Variants in FAM20C observed in about 807,000 individuals in gnomAD.
FAM20C encodes the protein FAM20C golgi associated secretory pathway kinase.
Under a neutral mutation model 51.5 loss-of-function variants are expected in FAM20C, and 40 were observed. The ratio of observed to expected loss-of-function variants is 0.78; its 90% CI spans 0.60 to 1.01. The LOEUF (loss-of-function observed/expected upper bound fraction) is 1.01. FAM20C is among the 50% of genes least tolerant of loss of function. The pLI, the probability that FAM20C is intolerant of heterozygous loss-of-function variation, is 0.00. For synonymous variants in FAM20C, 406 were observed against 380.6 expected, an observed-to-expected ratio of 1.07 and a Z score of -0.78; for missense variants, 861 against 844.7, an observed-to-expected ratio of 1.02 and a Z score of -0.24.
At chr7:247,402 C>G (rs796403507) in intron 4 of FAM20C, among the ~76,000 whole-genome samples, 2 of 152,156 alleles carry the variant, frequency 1.3e-5, no homozygotes, top group Non-Finnish European at 2.9e-5. Flanking sequence ...CTGCCCTGCA[C>G]GGCCCTGACA....
chr7:253,011 C>T (rs1032806707), intron 5 of FAM20C, among the ~76,000 whole-genome samples: 3 of 152,278 alleles, frequency 2.0e-5, no homozygotes, highest in Non-Finnish European at 4.4e-5. Flanking sequence ...CCACTCAGCC[C>T]GACACAGCCT....
chr7:234,173 G>A (rs945709299), intron 3 of FAM20C, among the ~76,000 whole-genome samples: 2 of 152,252 alleles, frequency 1.3e-5, no homozygotes, highest in South Asian at 4.1e-4. Context: ...GAGAGCACGA[G>A]AGCCTTCCCG....
intron 3 of FAM20C, chr7:228,467 T>A (rs1472200096): frequency 1.1e-5 from 5 of 455,982 alleles, no homozygotes; most frequent in Non-Finnish European, 2.2e-5. Flanking sequence ...CGGCTCAGTG[T>A]GGGGTCAACA....
chr7:256,364 C>T (rs1788590158), intron 6 of FAM20C: 2 of 571,300 alleles, frequency 3.5e-6, no homozygotes, highest in Admixed American at 6.3e-5. Context: ...CCCACGTTGT[C>T]CTCGTGAGTG....
chr7:232,077 C>T (rs1787712555), intron 3 of FAM20C, among the ~76,000 whole-genome samples: 1 of 152,248 alleles, frequency 6.6e-6, no homozygotes, highest in Admixed American at 6.5e-5. Context: ...AGGCATCTGC[C>T]TCCCTCATCA....
intron 3 of FAM20C, among the ~76,000 whole-genome samples, chr7:240,773 G>A (rs1163399949): frequency 1.3e-5 from 2 of 152,198 alleles, no homozygotes; most frequent in African/African-American, 4.8e-5. Context: ...GCCACCGATT[G>A]TGGCCCGGGC....
Position 258,090 on chromosome 7 carries a change from T to A in FAM20C, c.1446-556T>A, listed in dbSNP as rs373927539. Among the ~76,000 whole-genome samples, 78 of 104,350 alleles carry A rather than the reference T, an allele frequency of 7.5e-4. 1 individual carries two copies. Among genetic ancestry groups the A allele is most frequent in the South Asian group, 3.8e-3 (10 of 2,626 alleles). 68.5% of individuals were successfully genotyped at this position (104,350 alleles called of 152,430 possible). A position where few individuals can be genotyped will look rare whatever the true frequency, so the allele number is the denominator to read the frequency against. On this transcript the variant is annotated intron_variant, in intron 8 of 9. Transcript: ENST00000313766. ...CTGCCTGGGGTGCTGGAGATGGGGC[T>A]GGGTGGACCCACTGCCCGGGGTGTT... is the stretch of plus-strand genomic sequence containing the variant.
At chr7:223,715 G>A (rs1787341173) in intron 3 of FAM20C, among the ~76,000 whole-genome samples, 1 of 152,238 alleles carries the variant, frequency 6.6e-6, no homozygotes, top group Non-Finnish European at 1.5e-5. Flanking sequence ...TGCCGCAGGT[G>A]GTCCCGGCAT....
In FAM20C at chr7:193,742, C is replaced by T. The variant is rs772838347; in HGVS notation, c.543C>T (p.Asp181=). The change falls in exon 1 of 10, where the codon GAC becomes GAT. Residue 181 remains aspartate, a synonymous_variant. Coordinates refer to ENST00000313766, the MANE Select transcript of FAM20C (RefSeq NM_020223.4). The part of the protein sequence containing the change: ...RVAVPPLTEE[D]VLFNVNSDTR... ...CGGTTCCGCCGCTCACGGAGGAGGA[C>T]GTCCTGTTCAATGTGAACAGCGACA... 3 of 1,548,154 alleles carry T rather than the reference C, an allele frequency of 1.9e-6. No homozygotes were observed. In the South Asian group the frequency reaches 3.6e-5, roughly 18 times the overall value.
At chr7:218,146 C>T (rs1367696425) in intron 3 of FAM20C, among the ~76,000 whole-genome samples, 1 of 152,210 alleles carries the variant, frequency 6.6e-6, no homozygotes, top group African/African-American at 2.4e-5. Context: ...GTCACACGAG[C>T]TGCCAGGCAG....
Position 255,991 on chromosome 7 carries a change from C to A in FAM20C, c.1215C>A (p.Asn405Lys). ...LSLAKRKTWR[N>K]PWRRSYHKRK... Reference sequence around the variant, plus strand: ...TGGCCAAGAGGAAGACCTGGCGGAACCCTTGGCGGCGTTCCTACCACAAGC... The same window carrying A: ...TGGCCAAGAGGAAGACCTGGCGGAAACCTTGGCGGCGTTCCTACCACAAGC... The change falls in exon 6 of 10, where the codon AAC (asparagine) becomes AAA (lysine). Residue 405 changes from asparagine (N) to lysine (K), a missense_variant. By Grantham distance (94) the Asn-to-Lys change is moderately conservative. Coordinates refer to ENST00000313766, the MANE Select transcript of FAM20C (RefSeq NM_020223.4). 6.5e-7 allele frequency: 1 copy of A among 1,536,068 alleles called. No individual in the cohort carries two copies. Among genetic ancestry groups the A allele is most frequent in the Non-Finnish European group, 8.7e-7 (1 of 1,146,788 alleles).
Position 260,162 on chromosome 7 carries a change from AC to A in FAM20C, c.*184del. ...ATAGGACACATTTTGTCAGTGTTTGACCAGAAAAGCTTGGGAAGGAAGCGCT... is the reference window on the plus strand; with the variant it reads ...ATAGGACACATTTTGTCAGTGTTTGACAGAAAAGCTTGGGAAGGAAGCGCT... On this transcript the variant is annotated 3_prime_UTR_variant, in exon 10 of 10. Transcript: ENST00000313766. 2.3e-6 allele frequency: 2 copies of A among 872,226 alleles called. No individual in the cohort carries two copies. The highest frequency in any genetic ancestry group is 3.2e-6 in the Non-Finnish European group (2 of 622,298). 54.0% of individuals were successfully genotyped at this position (872,226 alleles called of 1,614,324 possible).
At chr7:245,660 G>A (rs760438685) in intron 3 of FAM20C, among the ~76,000 whole-genome samples, 3 of 152,260 alleles carry the variant, frequency 2.0e-5, no homozygotes, top group East Asian at 1.9e-4. Flanking sequence ...ATTCCTCCAC[G>A]TTTCCACCAT....
At position 257,821 on chromosome 7, in the gene FAM20C, G is replaced by A. The variant is rs866178038; in HGVS notation, c.1445+735G>A. 3.9e-3 allele frequency among the ~76,000 whole-genome samples: 435 copies of A among 110,910 alleles called. 1 individual carries two copies. The highest frequency in any genetic ancestry group is 8.9e-3 in the African/African-American group (261 of 29,354). 72.8% of individuals were successfully genotyped at this position (110,910 alleles called of 152,430 possible). A position where few individuals can be genotyped will look rare whatever the true frequency, so the allele number is the denominator to read the frequency against. ...GGGCTGGGTGGACCCACTGCCCGGG[G>A]TGCTGGAGATGGGCAGGGTGGACCC... On this transcript the variant is annotated intron_variant, in intron 8 of 9. Transcript: ENST00000313766.
At chr7:223,557 G>A (rs144817444) in intron 3 of FAM20C, among the ~76,000 whole-genome samples, 2,349 of 152,320 alleles carry the variant, frequency 0.015, 35 homozygotes, top group Middle Eastern at 0.044. Context: ...GCCGTGGGGC[G>A]GACATGTCCC....
chr7:199,034 C>G (rs977686425), intron 2 of FAM20C, among the ~76,000 whole-genome samples: 1 of 152,248 alleles, frequency 6.6e-6, no homozygotes, highest in African/African-American at 2.4e-5. Flanking sequence ...GGGAGCTGCT[C>G]CATGTCCAGG....
chr7:211,433 C>T, intron 3 of FAM20C, among the ~76,000 whole-genome samples: 1 of 151,604 alleles, frequency 6.6e-6, no homozygotes, highest in Non-Finnish European at 1.5e-5. Context: ...CCAGGCCTCC[C>T]CAAACCTCCC....
At chr7:195,805 A>G (rs971335232) in intron 2 of FAM20C, 73 bp downstream of exon 2, 9 of 1,412,550 alleles carry the variant, frequency 6.4e-6, no homozygotes, top group Non-Finnish European at 8.4e-6. Flanking sequence ...GGGGCAGGCT[A>G]TGTGTTAGAG....
chr7:194,864 G>A (rs902101677), intron 1 of FAM20C, among the ~76,000 whole-genome samples: 7 of 151,760 alleles, frequency 4.6e-5, no homozygotes, highest in Admixed American at 1.3e-4. Context: ...CAAGTTCCGC[G>A]TTTCCCTCCA....
Sources: gnomAD v4.1 joint callset for allele counts (sites outside exome capture counted in the v4.1 genomes callset) on GRCh38, gnomAD v4.1.1 for gene constraint, MANE v1.5 for transcripts, NCBI Gene and HGNC (gene_info 2026-07-23, HGNC 2026-07-21) for gene names.